The following USP6 variants were observed in gnomAD, a reference collection of about 807,000 sequenced individuals.
USP6 encodes ubiquitin specific peptidase 6, also known as ubiquitin carboxyl-terminal hydrolase 6.
A neutral mutation model predicts 175.7 loss-of-function variants in USP6; 128 were observed. The ratio of observed to expected loss-of-function variants is 0.73; its 90% CI spans 0.63 to 0.84. The LOEUF is 0.84. USP6 is among the 40% of genes least tolerant of loss of function. The probability of loss-of-function intolerance (pLI) is 0.00; values close to 1 mark genes in which losing one functional copy is unlikely to be tolerated. For missense variants in USP6, 1,498 were observed against 1,760.3 expected (o/e 0.85, Z 2.67); for synonymous variants, 562 against 630.6 (o/e 0.89, Z 1.63).
chr17:5,151,362 A>G (rs1206214998), intron 30 of USP6, among the ~76,000 whole-genome samples: 1 of 152,312 alleles, frequency 6.6e-6, no homozygotes, highest in East Asian at 1.9e-4. Flanking sequence ...ATATTTTAAG[A>G]TGTCAGTTCT....
rs1176593969 is a variant in USP6, at chr17:5,174,221, ATTAT to A, written c.*1250_*1253del. ...TTAAGATTGGAACAAAAGTATAAATATTATTTATTTGAGGTAGAATTTTTTTCAT... is the reference window on the plus strand; with the variant it reads ...TTAAGATTGGAACAAAAGTATAAATATTATTTGAGGTAGAATTTTTTTCAT... On this transcript the variant is annotated 3_prime_UTR_variant, in exon 38 of 38. Transcript: ENST00000574788. 1 of 189,978 alleles carries A rather than the reference ATTAT, an allele frequency of 5.3e-6. No individual in the cohort carries two copies. Among genetic ancestry groups the A allele is most frequent in the Non-Finnish European group, 1.1e-5 (1 of 90,866 alleles). The allele number at this position is 189,978 out of a possible 1,614,324, so 11.8% of individuals were successfully genotyped here.
In USP6 at chr17:5,133,553, A is replaced by G. The variant is rs746011857; in HGVS notation, c.384+3A>G. 12 of 1,535,954 alleles carry G rather than the reference A, an allele frequency of 7.8e-6. No individual in the cohort carries two copies. In the South Asian group the frequency reaches 1.0e-4, roughly 13 times the overall value. Reference sequence around the variant, plus strand: ...TGAAAAACCCCGGAAGATACCAGGTATGCTCAGCCAGAGCACAACAAACAG... The same window carrying G: ...TGAAAAACCCCGGAAGATACCAGGTGTGCTCAGCCAGAGCACAACAAACAG... On this transcript the variant is annotated splice_donor_region_variant and intron_variant, in intron 14 of 37. Transcript: ENST00000574788.
At chr17:5,162,698 C>T (rs1420966150) in intron 32 of USP6, among the ~76,000 whole-genome samples, 186 bp from the exon 33 acceptor site, 2 of 152,048 alleles carry the variant, frequency 1.3e-5, no homozygotes, top group Non-Finnish European at 2.9e-5. Context: ...AGCATGATTC[C>T]CTGAAATGAT....
intron 18 of USP6, among the ~76,000 whole-genome samples, 170 bp from the exon 19 acceptor site, chr17:5,136,951 A>C (rs1034645641): frequency 2.0e-5 from 3 of 152,186 alleles, no homozygotes; most frequent in African/African-American, 7.2e-5. Flanking sequence ...CCTGCAGAGC[A>C]GGGCAAAGGG....
In USP6 at chr17:5,132,881, C is replaced by T. The variant is rs373858645; in HGVS notation, c.196-29C>T. 5 of 1,613,558 alleles carry T rather than the reference C, an allele frequency of 3.1e-6. No individual in the cohort carries two copies. The highest frequency in any genetic ancestry group is 1.3e-5 in the African/African-American group (1 of 74,930). ...GCGGCTCTGGGAAGCCTGGCAGCTC[C>T]ACTAACTCCAACATGCCTCATTTGA... On this transcript the variant is annotated intron_variant, in intron 12 of 37. Transcript: ENST00000574788. The surrounding 1 kb of genome is among the most constrained non-coding windows in gnomAD (Gnocchi z 4.7).
chr17:5,123,795 C>T (rs2072790848), intron 4 of USP6, among the ~76,000 whole-genome samples: 2 of 152,270 alleles, frequency 1.3e-5, no homozygotes, highest in South Asian at 4.1e-4. Context: ...CTGGCTCACA[C>T]CTGTAGGACA....
intron 31 of USP6, among the ~76,000 whole-genome samples, chr17:5,158,952 T>A (rs2073951873): frequency 6.6e-6 from 1 of 152,238 alleles, no homozygotes; most frequent in Non-Finnish European, 1.5e-5. Context: ...GGTAAAGTTA[T>A]GGATGAAATA....
rs537068245 is a variant in USP6 at position 5,149,658 on chromosome 17, C to T, written c.2643+891C>T. 2.6e-4 allele frequency among the ~76,000 whole-genome samples: 39 copies of T among 151,940 alleles called. 1 individual carries two copies. Among genetic ancestry groups the T allele is most frequent in the African/African-American group, 8.4e-4 (35 of 41,464 alleles). On this transcript the variant is annotated intron_variant, in intron 30 of 37. Transcript: ENST00000574788. Reference sequence around the variant, plus strand: ...ATGTACATCTTCACTGCCACATAAACGCGGATGGCTTTGGAAAAGTTTTTT... The same window carrying T: ...ATGTACATCTTCACTGCCACATAAATGCGGATGGCTTTGGAAAAGTTTTTT...
intron 3 of USP6, 133 bp from the exon 4 acceptor site, chr17:5,121,242 A>C: frequency 2.6e-6 from 1 of 381,508 alleles, no homozygotes; most frequent in East Asian, 7.2e-5. Context: ...GTGGGTGCAG[A>C]GGGTCTTTGT....
chr17:5,165,324 C>T (rs752862283), intron 33 of USP6, among the ~76,000 whole-genome samples: 216 of 152,316 alleles, frequency 1.4e-3, no homozygotes, highest in Non-Finnish European at 1.9e-3. Context: ...TCACTCTTAT[C>T]CTTTATATTT....
rs768163325 is a variant in USP6, at chr17:5,139,543, G to A, written c.1367G>A (p.Arg456Gln). The part of the protein sequence containing the change: ...WRFLEWKSMP[R>Q]LPTDLDIGGP... ...TTCCTGGAGTGGAAGTCAATGCCCC[G>A]GCTCCCAACGGACCTGGATATAGGG... The change falls in exon 22 of 38, where the codon CGG (arginine) becomes CAG (glutamine). Residue 456 changes from arginine (R) to glutamine (Q), a missense_variant. By Grantham distance (43) the Arg-to-Gln change is conservative. This residue lies in a region of USP6 where 1,217 missense variants were observed against 1,500.8 expected (regional missense o/e 0.81). Coordinates refer to ENST00000574788, the MANE Select transcript of USP6 (RefSeq NM_001304284.2). The A allele has an allele frequency of 3.7e-6, 6 of 1,613,804 alleles. No homozygotes were observed. The highest frequency in any genetic ancestry group is 4.5e-5 in the East Asian group (2 of 44,874).
intron 31 of USP6, 109 bp from the exon 32 acceptor site, chr17:5,161,419 C>T: frequency 3.6e-6 from 4 of 1,099,422 alleles, no homozygotes; most frequent in Non-Finnish European, 5.4e-6. Context: ...CATGAGCATA[C>T]TGCTGTGGCA....
chr17:5,142,910 G>C (rs1043313403), intron 25 of USP6, among the ~76,000 whole-genome samples: 2 of 152,202 alleles, frequency 1.3e-5, no homozygotes, highest in African/African-American at 4.8e-5. Context: ...AAAGAAGTAG[G>C]CTGGGCGCAG....
chr17:5,164,059 A>G (rs1479160400), intron 33 of USP6, among the ~76,000 whole-genome samples: 1 of 152,252 alleles, frequency 6.6e-6, no homozygotes, highest in East Asian at 1.9e-4. Context: ...TGGAGAGGTA[A>G]AAGCAACAGA....
intron 33 of USP6, among the ~76,000 whole-genome samples, chr17:5,166,718 C>A (rs934349554): frequency 4.6e-5 from 7 of 151,994 alleles, no homozygotes; most frequent in Non-Finnish European, 8.8e-5. Context: ...ACAGAAGGAT[C>A]CCAGCTCTAT....
In USP6 at chr17:5,168,997, C is replaced by T. The variant is rs1365194134; in HGVS notation, c.3459C>T (p.Asp1153=). ...CGCAGAGTTCGGCTGGAAAAGAGGA[C>T]ATGCTCCTAAGCAAAAGCCCATCCT... is the stretch of plus-strand genomic sequence containing the variant. ...VDAQSSAGKE[D]MLLSKSPSSL... The change falls in exon 35 of 38, where the codon GAC becomes GAT. Residue 1153 remains aspartate, a synonymous_variant. Coordinates refer to ENST00000574788, the MANE Select transcript of USP6 (RefSeq NM_001304284.2). 8.1e-6 allele frequency: 13 copies of T among 1,613,950 alleles called. No individual in the cohort carries two copies. Among genetic ancestry groups the T allele is most frequent in the Non-Finnish European group, 1.1e-5 (13 of 1,179,854 alleles).
intron 23 of USP6, 82 bp from the exon 24 acceptor site, chr17:5,141,921 T>C (rs2073458430): frequency 6.6e-7 from 1 of 1,516,458 alleles, no homozygotes. Flanking sequence ...TTATAAAAAA[T>C]CTTTTCATTG....
At chr17:5,137,001 TG>T (rs2073274709) in intron 18 of USP6, 119 bp from the exon 19 acceptor site, 3 of 1,216,710 alleles carry the variant, frequency 2.5e-6, no homozygotes, top group Non-Finnish European at 1.2e-6. Flanking sequence ...GACAGTGTTG[TG>T]GGGAGTTCTG....
intron 4 of USP6, among the ~76,000 whole-genome samples, chr17:5,124,118 C>G (rs1013314776): frequency 6.6e-6 from 1 of 152,210 alleles, no homozygotes; most frequent in African/African-American, 2.4e-5. Context: ...CTCAACTATA[C>G]GAGGACACTG....
Sources: gnomAD v4.1 joint callset for allele counts (sites outside exome capture counted in the v4.1 genomes callset) on GRCh38, gnomAD v4.1.1 for gene constraint, gnomAD v4.1.1 regional missense constraint, Gnocchi (gnomAD v3.1) non-coding constraint, MANE v1.5 for transcripts, NCBI Gene and HGNC (gene_info 2026-07-23, HGNC 2026-07-21) for gene names.